The following TGFBR3 variants were observed in gnomAD, a reference collection of about 807,000 sequenced individuals.
TGFBR3 encodes transforming growth factor beta receptor 3.
A neutral mutation model predicts 87.9 loss-of-function variants in TGFBR3; 46 were observed. That is an observed-to-expected ratio of 0.52 (90% confidence interval 0.41 to 0.67). The LOEUF is 0.67. Ranked by LOEUF, TGFBR3 falls within the 30% of genes least tolerant of loss-of-function variation. The pLI is 0.00. For synonymous variants in TGFBR3, 381 were observed against 391.6 expected (o/e 0.97, Z 0.32); for missense variants, 866 against 1,041.9 (o/e 0.83, Z 2.32).
intron 4 of TGFBR3, among the ~76,000 whole-genome samples, chr1:91,742,107 T>C (rs1266099685): frequency 1.3e-5 from 2 of 152,262 alleles, no homozygotes; most frequent in East Asian, 1.9e-4. Context: ...CTTGCTCCCA[T>C]GGCAAACCGT....
intron 2 of TGFBR3, among the ~76,000 whole-genome samples, chr1:91,828,466 T>C (rs1190960832): frequency 6.6e-6 from 1 of 152,212 alleles, no homozygotes; most frequent in Non-Finnish European, 1.5e-5. Flanking sequence ...ACAGGACACT[T>C]GTGGTTACGC....
chr1:91,719,643 G>T (rs1571438830), intron 9 of TGFBR3, among the ~76,000 whole-genome samples, 179 bp from the exon 10 acceptor site: 1 of 152,146 alleles, frequency 6.6e-6, no homozygotes, highest in African/African-American at 2.4e-5. Flanking sequence ...GGTAGTATCT[G>T]TTGGCCTTGG....
At chr1:91,794,315 T>C (rs1018618199) in intron 3 of TGFBR3, among the ~76,000 whole-genome samples, 2 of 152,078 alleles carry the variant, frequency 1.3e-5, no homozygotes, top group Non-Finnish European at 2.9e-5. Flanking sequence ...GTCATTCTCC[T>C]GCCTCAGCCT....
At chr1:91,808,944 T>C (rs776373248) in intron 2 of TGFBR3, among the ~76,000 whole-genome samples, 1 of 151,876 alleles carries the variant, frequency 6.6e-6, no homozygotes, top group African/African-American at 2.4e-5. Flanking sequence ...GTTTGAAGGA[T>C]GGGAGAAAAT....
At chr1:91,884,941 A>ACTAT (rs1450432897) in intron 1 of TGFBR3, among the ~76,000 whole-genome samples, 2 of 152,214 alleles carry the variant, frequency 1.3e-5, no homozygotes, top group African/African-American at 4.8e-5. Context: ...TGTCACTCCT[A>ACTAT]CTATCCTCTG....
In TGFBR3 at chr1:91,781,510, G is replaced by A. The variant is rs72967183; in HGVS notation, c.246+15777C>T. On this transcript the variant is annotated intron_variant, in intron 3 of 16. Transcript: ENST00000212355. ...TAACCCACAGTTCTGCTGGAAATGT[G>A]CAAGTGGGCTCATTACTCAGAGCCA... 4.0e-3 allele frequency among the ~76,000 whole-genome samples: 612 copies of A among 152,254 alleles called. 7 individuals carry two copies. The highest frequency in any genetic ancestry group is 0.014 in the African/African-American group (593 of 41,558).
At chr1:91,732,695 A>G (rs1454163025) in intron 5 of TGFBR3, among the ~76,000 whole-genome samples, 1 of 151,924 alleles carries the variant, frequency 6.6e-6, no homozygotes, top group African/African-American at 2.4e-5. Flanking sequence ...GGTGACTCAT[A>G]CTCAACTGGT....
At chr1:91,894,354 G>A (rs1679510350) in intron 2 of TGFBR3, among the ~76,000 whole-genome samples, 1 of 152,028 alleles carries the variant, frequency 6.6e-6, no homozygotes, top group Non-Finnish European at 1.5e-5. Context: ...AAACATACTA[G>A]AATATTTCTT....
intron 4 of TGFBR3, among the ~76,000 whole-genome samples, chr1:91,756,864 C>T (rs1161585976): frequency 1.3e-5 from 2 of 152,170 alleles, no homozygotes; most frequent in Non-Finnish European, 1.5e-5. Flanking sequence ...CTCTATACAA[C>T]ATGTTTTTTT....
In TGFBR3 at chr1:91,727,521, A is replaced by G. The variant is rs1010194122; in HGVS notation, c.885+138T>C. On this transcript the variant is annotated intron_variant, in intron 7 of 16. Coordinates refer to ENST00000212355, the MANE Select transcript of TGFBR3 (RefSeq NM_003243.5). Reference sequence around the variant, plus strand: ...CGCACCTATTTTATAGGAGCATGCTATTTTGCAAAGTGAAAAATAATTGAC... The same window carrying G: ...CGCACCTATTTTATAGGAGCATGCTGTTTTGCAAAGTGAAAAATAATTGAC... 7.2e-6 allele frequency: 8 copies of G among 1,114,724 alleles called. No individual in the cohort carries two copies. The Admixed American group carries it at 1.3e-4, about 17-fold the overall frequency. The allele number at this position is 1,114,724 out of a possible 1,614,324, so 69.1% of individuals were successfully genotyped here. A position where few individuals can be genotyped will look rare whatever the true frequency, so the allele number is the denominator to read the frequency against.
At chr1:91,860,548 T>C (rs768475425) in intron 2 of TGFBR3, among the ~76,000 whole-genome samples, 1 of 152,120 alleles carries the variant, frequency 6.6e-6, no homozygotes, top group East Asian at 1.9e-4. Context: ...CACACTAAGA[T>C]GGTGGTGTGG....
At chr1:91,737,633 T>C (rs11579207) in intron 4 of TGFBR3, among the ~76,000 whole-genome samples, 24,343 of 152,098 alleles carry the variant, frequency 0.16, 2,139 homozygotes, top group East Asian at 0.25. Context: ...CCATGCCTAC[T>C]AGAACAAAGA....
chr1:91,726,264 G>A (rs566845720), intron 7 of TGFBR3, among the ~76,000 whole-genome samples: 1 of 152,248 alleles, frequency 6.6e-6, no homozygotes, highest in East Asian at 1.9e-4. Context: ...ACTCCAGCAG[G>A]GAATTAAAAT....
At chr1:91,764,857 TC>T (rs1209863195) in intron 3 of TGFBR3, among the ~76,000 whole-genome samples, 2 of 151,886 alleles carry the variant, frequency 1.3e-5, no homozygotes, top group African/African-American at 2.4e-5. Flanking sequence ...GTAAAATCTT[TC>T]CCCCTCCCTC....
intron 14 of TGFBR3, among the ~76,000 whole-genome samples, chr1:91,701,316 T>C (rs1671613362): frequency 1.3e-5 from 2 of 151,974 alleles, no homozygotes; most frequent in Admixed American, 6.6e-5. Flanking sequence ...TCCTCGAACT[T>C]TTCTCTTCCC....
At chr1:91,700,753 G>C (rs1416293969) in intron 14 of TGFBR3, among the ~76,000 whole-genome samples, 1 of 152,156 alleles carries the variant, frequency 6.6e-6, no homozygotes, top group Non-Finnish European at 1.5e-5. Flanking sequence ...TAACAACAAT[G>C]ATGCCTTACA....
chr1:91,757,553 T>G (rs1016053438), intron 4 of TGFBR3, among the ~76,000 whole-genome samples: 3 of 152,238 alleles, frequency 2.0e-5, no homozygotes, highest in Admixed American at 6.5e-5. Flanking sequence ...CAACTTTTAT[T>G]ATGATGGTTG....
rs1673840360 is a variant in TGFBR3, at chr1:91,758,685, G to A, written c.312C>T (p.Leu104=). Residue 104 remains leucine (L), a synonymous_variant, in exon 4 of 17, where the codon CTC becomes CTT. Transcript: ENST00000212355. The part of the protein sequence containing the change: ...HIHHKSVVFL[L]NSPHPLVWHL... ...GCCACACCAGGGGGTGTGGGGAGTT[G>A]AGCAGGAACACAACAGACTTGTGGT... 1 of 1,613,936 alleles carries A rather than the reference G, an allele frequency of 6.2e-7. No individual in the cohort carries two copies. Among genetic ancestry groups the A allele is most frequent in the Non-Finnish European group, 8.5e-7 (1 of 1,179,958 alleles).
At chr1:91,888,150 G>C (rs542242234), upstream of TGFBR3, among the ~76,000 whole-genome samples, 2 of 152,096 alleles carry the variant, frequency 1.3e-5, no homozygotes, top group Admixed American at 6.5e-5. Flanking sequence ...GAGTCTCCGT[G>C]TACCAGCTCT....
Sources: allele counts gnomAD v4.1 joint callset (sites outside exome capture counted in the v4.1 genomes callset), GRCh38; gene constraint gnomAD v4.1.1; transcripts MANE v1.5; gene names NCBI Gene and HGNC (gene_info 2026-07-23, HGNC 2026-07-21).